The following FHIT variants were observed in gnomAD, a reference collection of about 807,000 sequenced individuals.
FHIT encodes fragile histidine triad diadenosine triphosphatase.
FHIT carries 19 observed loss-of-function variants against 17.9 expected under a neutral mutation model. The observed-to-expected ratio is 1.06, with a 90% CI of 0.74 to 1.56. The LOEUF (loss-of-function observed/expected upper bound fraction) is 1.56. Ranked by LOEUF, FHIT falls within the 40% of genes most tolerant of loss-of-function variation. The pLI is 0.00. For missense variants in FHIT, 248 were observed against 189.2 expected (o/e 1.31, Z -1.82); for synonymous variants, 81 against 69.7 (o/e 1.16, Z -0.81).
intron 5 of FHIT, among the ~76,000 whole-genome samples, chr3:60,293,415 T>C (rs1332641883): frequency 6.6e-6 from 1 of 152,096 alleles, no homozygotes; most frequent in Non-Finnish European, 1.5e-5. Context: ...AGGAAAAATA[T>C]TCCAGTTATG....
chr3:60,118,006 T>C (rs1159856258), intron 5 of FHIT, among the ~76,000 whole-genome samples: 3 of 152,200 alleles, frequency 2.0e-5, no homozygotes, highest in East Asian at 3.8e-4. Flanking sequence ...TCTTGCAAAA[T>C]GCTGATGATC....
intron 5 of FHIT, among the ~76,000 whole-genome samples, chr3:60,173,918 T>TATATATATATATATATATATATATATA (rs375142735): frequency 2.1e-5 from 1 of 46,858 alleles, no homozygotes; most frequent in Admixed American, 3.0e-4. Flanking sequence ...TATATATATG[T>TATATATATATATATATATATATATATA]TTTTTTTTTT....
intron 4 of FHIT, among the ~76,000 whole-genome samples, chr3:60,627,698 A>T (rs2039328674): frequency 6.6e-6 from 1 of 151,998 alleles, no homozygotes; most frequent in Admixed American, 6.6e-5. Flanking sequence ...TAATTTTCGT[A>T]TTTTTAGTAG....
At chr3:61,089,077 T>C (rs1338112608) in intron 2 of FHIT, among the ~76,000 whole-genome samples, 1 of 152,176 alleles carries the variant, frequency 6.6e-6, no homozygotes, top group Non-Finnish European at 1.5e-5. Context: ...GAATATTTAC[T>C]GAACCAGTGG....
intron 5 of FHIT, among the ~76,000 whole-genome samples, chr3:60,334,099 T>C (rs930951509): frequency 3.9e-5 from 6 of 152,208 alleles, no homozygotes; most frequent in Admixed American, 3.3e-4. Context: ...GTTGTCTCAG[T>C]GACTGGCTTT....
chr3:59,952,428 C>T (rs181593181), intron 7 of FHIT, among the ~76,000 whole-genome samples: 61 of 139,486 alleles, frequency 4.4e-4, no homozygotes, highest in Non-Finnish European at 3.1e-5. Context: ...TCTGTGGAGT[C>T]TCCTCCCTCT....
chr3:60,855,459 G>A (rs1703342240), intron 3 of FHIT, among the ~76,000 whole-genome samples: 3 of 152,110 alleles, frequency 2.0e-5, no homozygotes, highest in African/African-American at 7.2e-5. Flanking sequence ...AAGCCGTCTT[G>A]TGACCATGAG....
intron 5 of FHIT, among the ~76,000 whole-genome samples, chr3:60,097,245 C>T (rs762126319): frequency 1.3e-5 from 2 of 152,002 alleles, no homozygotes; most frequent in Admixed American, 6.6e-5. Context: ...AATCTACCAG[C>T]CCCTCCAAAC....
At chr3:60,108,844 G>C (rs1207662742) in intron 5 of FHIT, among the ~76,000 whole-genome samples, 2 of 151,952 alleles carry the variant, frequency 1.3e-5, no homozygotes, top group South Asian at 2.1e-4. Flanking sequence ...TACATTTGTA[G>C]TAGAGACGGG....
At chr3:60,805,655 G>T (rs573044903) in intron 4 of FHIT, among the ~76,000 whole-genome samples, 15 of 152,002 alleles carry the variant, frequency 9.9e-5, no homozygotes, top group Non-Finnish European at 2.1e-4. Flanking sequence ...TCCTGGGTTC[G>T]TGCCATTCTC....
At chr3:60,911,333 T>C (rs1279925720) in intron 3 of FHIT, among the ~76,000 whole-genome samples, 1 of 151,476 alleles carries the variant, frequency 6.6e-6, no homozygotes, top group Admixed American at 6.6e-5. Context: ...TATAGAATAC[T>C]TATTCGCCAC....
intron 3 of FHIT, among the ~76,000 whole-genome samples, chr3:60,923,691 A>G (rs7646138): frequency 0.61 from 92,122 of 151,838 alleles, 28,269 homozygotes; most frequent in East Asian, 0.71. Context: ...CATCTCACTG[A>G]GGAGTGTCGG....
chr3:59,990,878 GAACAA>G (rs1173105058), intron 7 of FHIT, among the ~76,000 whole-genome samples: 1 of 151,958 alleles, frequency 6.6e-6, no homozygotes, highest in African/African-American at 2.4e-5. Context: ...CATAAATCAA[GAACAA>G]AAGATTCCAG....
intron 5 of FHIT, among the ~76,000 whole-genome samples, chr3:60,246,385 GTCTC>G (rs1453472448): frequency 6.6e-6 from 1 of 152,002 alleles, no homozygotes; most frequent in African/African-American, 2.4e-5. Context: ...AAGGGGAAGG[GTCTC>G]TCTTTTACTT....
At chr3:60,977,790 G>A (rs1215132049) in intron 3 of FHIT, among the ~76,000 whole-genome samples, 1 of 152,168 alleles carries the variant, frequency 6.6e-6, no homozygotes, top group African/African-American at 2.4e-5. Flanking sequence ...AGAATCACTT[G>A]AACCCAGGAG....
intron 2 of FHIT, among the ~76,000 whole-genome samples, chr3:61,153,567 T>C (rs2037455478): frequency 6.6e-6 from 1 of 152,186 alleles, no homozygotes; most frequent in African/African-American, 2.4e-5. Context: ...ACAGATCATT[T>C]TGGTGATATA....
At chr3:60,986,383 T>A (rs1381325530) in intron 3 of FHIT, among the ~76,000 whole-genome samples, 1 of 152,228 alleles carries the variant, frequency 6.6e-6, no homozygotes, top group East Asian at 1.9e-4. Flanking sequence ...ATTGCTTTAA[T>A]TCTATGTACA....
chr3:59,808,957 A>G (rs529762192), intron 8 of FHIT, among the ~76,000 whole-genome samples: 33 of 152,320 alleles, frequency 2.2e-4, no homozygotes, highest in East Asian at 1.2e-3. Flanking sequence ...TAAAAAGCAG[A>G]GAGGAAACCC....
chr3:59,963,478 GA>G (rs1395777021), intron 7 of FHIT, among the ~76,000 whole-genome samples: 2 of 150,946 alleles, frequency 1.3e-5, no homozygotes, highest in Admixed American at 1.3e-4. Context: ...AGGAGGAGGA[GA>G]GAGAGAGAGA....
Sources: allele counts gnomAD v4.1 joint callset (sites outside exome capture counted in the v4.1 genomes callset), GRCh38; gene constraint gnomAD v4.1.1; transcripts MANE v1.5; gene names NCBI Gene and HGNC (gene_info 2026-07-23, HGNC 2026-07-21).